The following SCGB1A1 variants were observed in gnomAD, a reference collection of about 807,000 sequenced individuals.
The protein encoded by SCGB1A1 is uteroglobin.
A neutral mutation model predicts 7.5 loss-of-function variants in SCGB1A1; 8 were observed. That is an observed-to-expected ratio of 1.07 (90% CI 0.63 to 1.92). SCGB1A1 has a LOEUF of 1.92. Among genes scored for constraint, SCGB1A1 ranks in the 30% most tolerant of loss-of-function variants. SCGB1A1 has a pLI of 0.00. For missense variants in SCGB1A1, 121 were observed against 112.7 expected, an observed-to-expected ratio of 1.07 and a Z score of -0.33; for synonymous variants, 44 against 40.8, an observed-to-expected ratio of 1.08 and a Z score of -0.30.
chr11:62,421,206 G>A lies in SCGB1A1; in HGVS notation c.56-1015G>A, dbSNP rs868350386. Among the ~76,000 whole-genome samples, 3 of 152,242 alleles carry A rather than the reference G, an allele frequency of 2.0e-5. No homozygotes were observed. The South Asian group carries it at 6.2e-4, about 32-fold the overall frequency. ...GAAGGCAGAGAATTCAAGGAAAAGG[G>A]ATTTGAGACTCACTGGGAAGATGGA... On this transcript the variant is annotated intron_variant, in intron 1 of 2. Coordinates refer to ENST00000278282, the MANE Select transcript of SCGB1A1 (RefSeq NM_003357.5).
At position 62,422,224 on chromosome 11, in the gene SCGB1A1, C is replaced by A. The variant is rs529991152; in HGVS notation, c.59C>A (p.Ser20Tyr). 6.2e-7 allele frequency: 1 copy of A among 1,609,678 alleles called. No individual in the cohort carries two copies. The highest frequency in any genetic ancestry group is 8.5e-7 in the Non-Finnish European group (1 of 1,177,188). Residue 20 changes from serine (S) to tyrosine (Y), a missense_variant, in exon 2 of 3, where the codon TCT becomes TAT. Physicochemically the swap from Ser to Tyr is moderately radical, Grantham distance 144. Coordinates refer to ENST00000278282, the MANE Select transcript of SCGB1A1 (RefSeq NM_003357.5). ...VTLALCCSSA[S>Y]AEICPSFQRV... ...CCTTCTCTCCTCTGTGTTGCAGCTTCTGCAGAGATCTGCCCGAGCTTTCAG... is the reference window on the plus strand; with the variant it reads ...CCTTCTCTCCTCTGTGTTGCAGCTTATGCAGAGATCTGCCCGAGCTTTCAG...
chr11:62,419,134 T>C lies in SCGB1A1; in HGVS notation c.39T>C (p.Ala13=). The C allele has an allele frequency of 6.3e-7, 1 of 1,581,410 alleles. No homozygotes were observed. Reference sequence around the variant, plus strand: ...TCACCCTCACCCTGGTCACACTGGCTCTCTGCTGCAGCTCCGGTGAGTGCT... The same window carrying C: ...TCACCCTCACCCTGGTCACACTGGCCCTCTGCTGCAGCTCCGGTGAGTGCT... The part of the protein sequence containing the change: ...LAVTLTLVTL[A]LCCSSASAEI... Residue 13 remains alanine, a synonymous_variant, in exon 1 of 3, where the codon GCT becomes GCC. Coordinates refer to ENST00000278282, the MANE Select transcript of SCGB1A1 (RefSeq NM_003357.5).
At chr11:62,420,673 G>A (rs1436856047) in intron 1 of SCGB1A1, among the ~76,000 whole-genome samples, 1 of 150,064 alleles carries the variant, frequency 6.7e-6, no homozygotes, top group Admixed American at 6.6e-5. Context: ...GGTGGCTCAC[G>A]CCTGTAATCC....
intron 1 of SCGB1A1, among the ~76,000 whole-genome samples, 193 bp downstream of exon 1, chr11:62,419,343 TAAGGAAGCCTAA>T (rs1937721022): frequency 6.6e-6 from 1 of 152,160 alleles, no homozygotes; most frequent in South Asian, 2.1e-4. Flanking sequence ...CCCCAGGCTG[TAAGGAAGCCTAA>T]AAAGGGTCCC....
intron 1 of SCGB1A1, among the ~76,000 whole-genome samples, chr11:62,420,704 G>A (rs1265542976): frequency 2.6e-5 from 4 of 151,390 alleles, no homozygotes; most frequent in African/African-American, 9.7e-5. Flanking sequence ...GGAGGCCGAG[G>A]TGGGTAGATC....
At chr11:62,422,483 C>A in intron 2 of SCGB1A1, 75 bp downstream of exon 2, 1 of 1,337,104 alleles carries the variant, frequency 7.5e-7, no homozygotes, top group Non-Finnish European at 1.0e-6. Flanking sequence ...CCCCAGTTTT[C>A]AGACCTGTTT....
rs41387144 is a variant in SCGB1A1 at position 62,420,836 on chromosome 11, G to A, written c.56-1385G>A. ...TGTAGTCCCAGCTACTTGGGAGGCC[G>A]AGGCAGGAGAATCACTTGAACCTGG... On this transcript the variant is annotated intron_variant, in intron 1 of 2. Transcript: ENST00000278282. Among the ~76,000 whole-genome samples the A allele has an allele frequency of 2.1e-3, 326 of 151,794 alleles. 1 individual carries two copies. Among genetic ancestry groups the A allele is most frequent in the African/African-American group, 7.2e-3 (297 of 41,492 alleles).
At chr11:62,422,153 C>T in intron 1 of SCGB1A1, 68 bp from the exon 2 acceptor site, 1 of 1,430,000 alleles carries the variant, frequency 7.0e-7, no homozygotes, top group Non-Finnish European at 9.5e-7. Flanking sequence ...CTGGGCAGAC[C>T]CAGCCAGAGG....
At chr11:62,421,648 A>G (rs185680291) in intron 1 of SCGB1A1, among the ~76,000 whole-genome samples, 3 of 152,122 alleles carry the variant, frequency 2.0e-5, no homozygotes, top group African/African-American at 7.2e-5. Flanking sequence ...AGTAGCTAGG[A>G]TTACGGGTGC....
chr11:62,422,370 C>G lies in SCGB1A1; in HGVS notation c.205C>G (p.Leu69Val). The change falls in exon 2 of 3, where the codon CTC becomes GTC. Residue 69 changes from leucine (L) to valine (V), a missense_variant. Physicochemically the swap from Leu to Val is conservative, Grantham distance 32. Coordinates refer to ENST00000278282, the MANE Select transcript of SCGB1A1 (RefSeq NM_003357.5). ...TCAGCTGAAGAAGCTGGTGGACACC[C>G]TCCCCCAAAAGCCCAGAGAAAGCAT... is the stretch of plus-strand genomic sequence containing the variant. ...GAQLKKLVDT[L>V]PQKPRESIIK... The G allele has an allele frequency of 6.2e-7, 1 of 1,613,924 alleles. No individual in the cohort carries two copies. Among genetic ancestry groups the G allele is most frequent in the Non-Finnish European group, 8.5e-7 (1 of 1,179,892 alleles).
chr11:62,422,328 A>G lies in SCGB1A1; in HGVS notation c.163A>G (p.Met55Val). ...GGAACTTTTCAGCCCTGATCAAGACATGAGGGAGGCAGGGGCTCAGCTGAA... is the reference window on the plus strand; with the variant it reads ...GGAACTTTTCAGCCCTGATCAAGACGTGAGGGAGGCAGGGGCTCAGCTGAA... ...AMELFSPDQDMREAGAQLKKL... is the reference protein window; with the variant it reads ...AMELFSPDQDVREAGAQLKKL... Residue 55 changes from methionine to valine, a missense_variant, in exon 2 of 3, where the codon ATG (methionine) becomes GTG (valine). By Grantham distance (21) the Met-to-Val change is conservative. Coordinates refer to ENST00000278282, the MANE Select transcript of SCGB1A1 (RefSeq NM_003357.5). The G allele has an allele frequency of 1.2e-6, 2 of 1,614,164 alleles. No individual in the cohort carries two copies. The highest frequency in any genetic ancestry group is 1.6e-4 in the Middle Eastern group (1 of 6,062).
chr11:62,422,764 G>A (rs1465079031), intron 2 of SCGB1A1, among the ~76,000 whole-genome samples: 1 of 151,968 alleles, frequency 6.6e-6, no homozygotes, highest in Non-Finnish European at 1.5e-5. Flanking sequence ...TGTAGAGATG[G>A]GGTTTCACCG....
chr11:62,420,592 G>A (rs1937762704), intron 1 of SCGB1A1, among the ~76,000 whole-genome samples: 1 of 150,080 alleles, frequency 6.7e-6, no homozygotes, highest in South Asian at 2.2e-4. Flanking sequence ...GATTAGGCGT[G>A]AGCCACCATG....
At position 62,422,506 on chromosome 11, in the gene SCGB1A1, G is replaced by A. The variant is rs1937824563; in HGVS notation, c.243+98G>A. Reference sequence around the variant, plus strand: ...TTCAGACCTGTTTCTAATCCAGAGAGGAGAGTCACAGTGCCACTGTCCCCA... The same window carrying A: ...TTCAGACCTGTTTCTAATCCAGAGAAGAGAGTCACAGTGCCACTGTCCCCA... On this transcript the variant is annotated intron_variant, in intron 2 of 2. Coordinates refer to ENST00000278282, the MANE Select transcript of SCGB1A1 (RefSeq NM_003357.5). 4 of 1,082,374 alleles carry A rather than the reference G, an allele frequency of 3.7e-6. 1 individual carries two copies. The highest frequency in any genetic ancestry group is 2.3e-5 in the Admixed American group (1 of 43,162). 67.0% of individuals were successfully genotyped at this position (1,082,374 alleles called of 1,614,324 possible). A position where few individuals can be genotyped will look rare whatever the true frequency, so the allele number is the denominator to read the frequency against.
chr11:62,422,571 CTTTTTTTTTTT>C (rs35723955), intron 2 of SCGB1A1, among the ~76,000 whole-genome samples, 163 bp downstream of exon 2: 1 of 112,412 alleles, frequency 8.9e-6, no homozygotes, highest in Non-Finnish European at 1.8e-5. Context: ...TCTCCTCTTC[CTTTTTTTTTTT>C]TTTTTTTTTT....
chr11:62,421,635 C>T (rs1937795623), intron 1 of SCGB1A1, among the ~76,000 whole-genome samples: 1 of 152,076 alleles, frequency 6.6e-6, no homozygotes, highest in Non-Finnish European at 1.5e-5. Flanking sequence ...CCTCAGCCTC[C>T]TGAGTAGCTA....
At position 62,422,404 on chromosome 11, in the gene SCGB1A1, T is replaced by C; in HGVS notation, c.239T>C (p.Leu80Pro). 1 of 1,611,216 alleles carries C rather than the reference T, an allele frequency of 6.2e-7. No individual in the cohort carries two copies. Among genetic ancestry groups the C allele is most frequent in the Admixed American group, 1.7e-5 (1 of 59,730 alleles). Residue 80 changes from leucine (L) to proline (P), a missense_variant, in exon 2 of 3, where the codon CTC becomes CCC. Transcript: ENST00000278282. The part of the protein sequence containing the change: ...PQKPRESIIK[L>P]MEKIAQSSLC... Reference sequence around the variant, plus strand: ...AAGCCCAGAGAAAGCATCATTAAGCTCATGGTAACCAGCACCTTTCACGTC... The same window carrying C: ...AAGCCCAGAGAAAGCATCATTAAGCCCATGGTAACCAGCACCTTTCACGTC...
rs563361328 is a variant in SCGB1A1, at chr11:62,422,302, T to C, written c.137T>C (p.Met46Thr). Residue 46 changes from methionine (M) to threonine (T), a missense_variant, in exon 2 of 3, where the codon ATG becomes ACG. Coordinates refer to ENST00000278282, the MANE Select transcript of SCGB1A1 (RefSeq NM_003357.5). ...ACACCCTCCAGTTATGAGGCTGCCA[T>C]GGAACTTTTCAGCCCTGATCAAGAC... ...MDTPSSYEAA[M>T]ELFSPDQDMR... 2.0e-5 allele frequency: 33 copies of C among 1,613,990 alleles called. No homozygotes were observed. In the South Asian group the frequency reaches 2.7e-4, roughly 13 times the overall value.
At chr11:62,421,491 TCTTGCTTG>T (rs10676203) in intron 1 of SCGB1A1, among the ~76,000 whole-genome samples, 25 of 148,846 alleles carry the variant, frequency 1.7e-4, no homozygotes, top group Admixed American at 3.4e-4. Flanking sequence ...TTTTCTTTTC[TCTTGCTTG>T]CTTGCTTGCT....
Sources: gnomAD v4.1 joint callset for allele counts (sites outside exome capture counted in the v4.1 genomes callset) on GRCh38, gnomAD v4.1.1 for gene constraint, MANE v1.5 for transcripts, NCBI Gene and HGNC (gene_info 2026-07-23, HGNC 2026-07-21) for gene names.